GRIK1: variants seen among roughly 807,000 people sequenced by gnomAD.
GRIK1 encodes the protein glutamate ionotropic receptor kainate type subunit 1, also known as glutamate receptor ionotropic, kainate 1.
Under a neutral mutation model 105.7 loss-of-function variants are expected in GRIK1, and 69 were observed. The ratio of observed to expected loss-of-function variants is 0.65; its 90% CI spans 0.54 to 0.80. The LOEUF is 0.80. GRIK1 is among the 30% of genes least tolerant of loss of function. The pLI is 0.00. For synonymous variants in GRIK1, 438 were observed against 431.3 expected (o/e 1.02, Z -0.19); for missense variants, 1,109 against 1,167.3 (o/e 0.95, Z 0.73).
intron 7 of GRIK1, among the ~76,000 whole-genome samples, chr21:29,608,506 A>C (rs2061666908): frequency 1.3e-5 from 2 of 152,116 alleles, no homozygotes; most frequent in Non-Finnish European, 2.9e-5. Flanking sequence ...AAGTTTTGTG[A>C]ATCTTTTTTT....
rs1305652116 is a variant in GRIK1, at chr21:29,578,851, C to G, written c.1913-1670G>C. Among the ~76,000 whole-genome samples, 3 of 152,092 alleles carry G rather than the reference C, an allele frequency of 2.0e-5. No homozygotes were observed. In the East Asian group the frequency reaches 5.8e-4, roughly 29 times the overall value. Reference sequence around the variant, plus strand: ...GTGGCAATGTAATATTATTTTAGCTCTTTAGTTGGTTATCATTAAAATACC... The same window carrying G: ...GTGGCAATGTAATATTATTTTAGCTGTTTAGTTGGTTATCATTAAAATACC... On this transcript the variant is annotated intron_variant, in intron 13 of 17. Coordinates refer to ENST00000327783, the MANE Select transcript of GRIK1 (RefSeq NM_001330994.2).
chr21:29,685,182 A>G (rs1041963019), intron 3 of GRIK1, among the ~76,000 whole-genome samples: 3 of 152,232 alleles, frequency 2.0e-5, no homozygotes, highest in African/African-American at 7.2e-5. Context: ...TTAAAAAACT[A>G]TATAAAAATA....
chr21:29,851,526 TCCCTTTTCTAG>T (rs2146048212), intron 1 of GRIK1, among the ~76,000 whole-genome samples: 1 of 152,332 alleles, frequency 6.6e-6, no homozygotes, highest in Non-Finnish European at 1.5e-5. Context: ...TTACCTTTGC[TCCCTTTTCTAG>T]CCCTATAATG....
intron 1 of GRIK1, 62 bp from the exon 2 acceptor site, chr21:29,694,125 T>TTTC: frequency 2.0e-6 from 2 of 988,212 alleles, no homozygotes; most frequent in East Asian, 7.3e-5. Context: ...TAATTTTTTT[T>TTTC]TTTTTTTTTT....
intron 12 of GRIK1, chr21:29,582,223 G>T: frequency 2.4e-6 from 1 of 410,232 alleles, no homozygotes; most frequent in Non-Finnish European, 5.0e-6. Context: ...AGGCCTAGTG[G>T]TACACATTAG....
chr21:29,559,829 A>G (rs1446348166), intron 15 of GRIK1, among the ~76,000 whole-genome samples: 1 of 152,228 alleles, frequency 6.6e-6, no homozygotes, highest in African/African-American at 2.4e-5. Context: ...ATTTTCTTAG[A>G]AAATGGAATA....
intron 1 of GRIK1, among the ~76,000 whole-genome samples, chr21:29,736,383 A>G (rs1241733819): frequency 1.3e-5 from 2 of 152,000 alleles, no homozygotes; most frequent in Non-Finnish European, 2.9e-5. Context: ...GGTGCATGCT[A>G]CCACCTGGCT....
At chr21:29,681,074 A>C (rs1461089616) in intron 3 of GRIK1, among the ~76,000 whole-genome samples, 2 of 152,212 alleles carry the variant, frequency 1.3e-5, no homozygotes, top group African/African-American at 4.8e-5. Context: ...TGGAGGTTGC[A>C]GTGAGCCGAG....
chr21:29,688,670 T>G (rs2063529882), intron 3 of GRIK1, among the ~76,000 whole-genome samples: 1 of 152,224 alleles, frequency 6.6e-6, no homozygotes, highest in Admixed American at 6.5e-5. Flanking sequence ...CTTACAGACA[T>G]GTAAACAGAT....
At chr21:29,740,592 A>T (rs897415524) in intron 1 of GRIK1, among the ~76,000 whole-genome samples, 1 of 152,190 alleles carries the variant, frequency 6.6e-6, no homozygotes, top group Non-Finnish European at 1.5e-5. Flanking sequence ...AGGAGGTGGG[A>T]ATGGAGAGAC....
chr21:29,828,946 A>G (rs779996638), intron 1 of GRIK1, among the ~76,000 whole-genome samples: 8 of 152,152 alleles, frequency 5.3e-5, no homozygotes, highest in Non-Finnish European at 1.0e-4. Flanking sequence ...TTTTACTCCA[A>G]AGCAAACCTT....
chr21:29,757,588 C>T (rs551812031), intron 1 of GRIK1, among the ~76,000 whole-genome samples: 8 of 152,276 alleles, frequency 5.3e-5, no homozygotes, highest in East Asian at 1.9e-4. Context: ...AAAAGATTGT[C>T]GGCATGAGGA....
At chr21:29,773,475 G>T (rs907875087) in intron 1 of GRIK1, among the ~76,000 whole-genome samples, 19 of 152,020 alleles carry the variant, frequency 1.2e-4, no homozygotes, top group African/African-American at 4.3e-4. Context: ...AATTCTTCTT[G>T]ACATATGTCT....
chr21:29,755,497 G>T (rs983608917), intron 1 of GRIK1, among the ~76,000 whole-genome samples: 1 of 152,216 alleles, frequency 6.6e-6, no homozygotes, highest in Non-Finnish European at 1.5e-5. Context: ...CATTCCAGGT[G>T]GGGGATCTGA....
chr21:29,842,630 T>A (rs1175955989), intron 1 of GRIK1, among the ~76,000 whole-genome samples: 1 of 152,202 alleles, frequency 6.6e-6, no homozygotes, highest in Non-Finnish European at 1.5e-5. Context: ...TGGTGAAAAT[T>A]CATTACTCTT....
intron 7 of GRIK1, among the ~76,000 whole-genome samples, chr21:29,617,219 T>C (rs2061871941): frequency 6.6e-6 from 1 of 152,202 alleles, no homozygotes; most frequent in Non-Finnish European, 1.5e-5. Flanking sequence ...CTGGGAGCAA[T>C]CGAAGAGTTG....
chr21:29,667,264 CT>C (rs1181716536), intron 4 of GRIK1, among the ~76,000 whole-genome samples: 22 of 152,142 alleles, frequency 1.4e-4, no homozygotes, highest in African/African-American at 5.3e-4. Context: ...ATTTAAGCAT[CT>C]CTGTTTGCCA....
At chr21:29,934,127 AAC>A (rs1312830597) in intron 1 of GRIK1, among the ~76,000 whole-genome samples, 9 of 152,188 alleles carry the variant, frequency 5.9e-5, no homozygotes, top group Admixed American at 6.5e-5. Context: ...TCTAACAACA[AAC>A]AGTGTGTTTG....
intron 7 of GRIK1, among the ~76,000 whole-genome samples, chr21:29,611,634 G>T (rs559914102): frequency 6.6e-6 from 1 of 152,188 alleles, no homozygotes; most frequent in East Asian, 1.9e-4. Flanking sequence ...AGAGGAAAGA[G>T]ATCCTAAAGT....
Sources: gnomAD v4.1 joint callset for allele counts (sites outside exome capture counted in the v4.1 genomes callset) on GRCh38, gnomAD v4.1.1 for gene constraint, MANE v1.5 for transcripts, NCBI Gene and HGNC (gene_info 2026-07-23, HGNC 2026-07-21) for gene names.